The following MROH7 variants were observed in gnomAD, a reference collection of about 807,000 sequenced individuals.
MROH7 encodes the protein maestro heat-like repeat-containing protein family member 7.
In MROH7, 113 loss-of-function variants were observed where a neutral mutation model predicts 129.2. The ratio of observed to expected loss-of-function variants is 0.87; its 90% CI spans 0.75 to 1.02. MROH7 has a LOEUF of 1.02. Among genes scored for constraint, MROH7 ranks in the 50% least tolerant of loss-of-function variants. The pLI, the probability that MROH7 is intolerant of heterozygous loss-of-function variation, is 0.00. For synonymous variants in MROH7, 655 were observed against 667.9 expected (o/e 0.98, Z 0.30); for missense variants, 1,601 against 1,671.3 (o/e 0.96, Z 0.73).
chr1:54,686,202 A>G, intron 14 of MROH7, 56 bp from the exon 15 acceptor site: 2 of 1,469,896 alleles, frequency 1.4e-6, no homozygotes, highest in Non-Finnish European at 1.9e-6. Context: ...GGCCCCAGCC[A>G]GGAGTGCTGG....
At chr1:54,685,521 A>G (rs1381182009) in intron 14 of MROH7, among the ~76,000 whole-genome samples, 10 of 145,412 alleles carry the variant, frequency 6.9e-5, no homozygotes, top group South Asian at 2.2e-4. Flanking sequence ...CCAGCCCATC[A>G]CCCACTCCCC....
At chr1:54,658,262 G>T (rs1215192596) in intron 3 of MROH7, among the ~76,000 whole-genome samples, 1 of 152,078 alleles carries the variant, frequency 6.6e-6, no homozygotes. Flanking sequence ...AATGTTCTTA[G>T]CATTCTTGTC....
rs1255804494 is a variant in MROH7 at position 54,686,173 on chromosome 1, C to A, written c.2521-85C>A. The A allele has an allele frequency of 5.5e-6, 7 of 1,277,260 alleles. No homozygotes were observed. In the East Asian group the frequency reaches 1.2e-4, roughly 22 times the overall value. 79.1% of individuals were successfully genotyped at this position (1,277,260 alleles called of 1,614,324 possible). On this transcript the variant is annotated intron_variant, in intron 14 of 23. Transcript: ENST00000421030. ...AGGACAGCAAAGACCCAGATCCTAC[C>A]TCCCAGAGAGGCAGTCCAGGCCCCA...
intron 4 of MROH7, among the ~76,000 whole-genome samples, chr1:54,667,612 T>C (rs1163452080): frequency 6.6e-6 from 1 of 152,048 alleles, no homozygotes; most frequent in Admixed American, 6.6e-5. Context: ...CATGCCACCA[T>C]GCCCGGCTAA....
chr1:54,685,840 T>C (rs1392048992), intron 14 of MROH7, among the ~76,000 whole-genome samples: 2 of 152,128 alleles, frequency 1.3e-5, no homozygotes, highest in South Asian at 2.1e-4. Flanking sequence ...CAGCACGCTA[T>C]AGTTGGTATC....
chr1:54,661,793 G>A (rs551997692), intron 3 of MROH7, among the ~76,000 whole-genome samples: 4 of 151,822 alleles, frequency 2.6e-5, no homozygotes, highest in East Asian at 2.0e-4. Flanking sequence ...ACGGAGTTTC[G>A]CCACATTGGC....
intron 14 of MROH7, among the ~76,000 whole-genome samples, chr1:54,685,282 A>G (rs1645130148): frequency 1.3e-5 from 2 of 152,120 alleles, no homozygotes; most frequent in South Asian, 4.1e-4. Flanking sequence ...TGGCCTCCCA[A>G]AGTGCTGGGA....
chr1:54,673,724 T>TG lies in MROH7; in HGVS notation c.1722dup (p.Lys575GlufsTer4), dbSNP rs1438369785. ...AGGCCCTGGGGCCTTGGATGAACTC[T>TG]GGGAAGGCCCATGAGCGAGCACGGG... On this transcript the variant is annotated frameshift_variant, in exon 9 of 24. Transcript: ENST00000421030. LOFTEE classifies it high-confidence loss of function. The TG allele has an allele frequency of 3.1e-6, 5 of 1,614,028 alleles. No individual in the cohort carries two copies. In the African/African-American group the frequency reaches 4.0e-5, roughly 13 times the overall value.
chr1:54,679,978 C>T lies in MROH7; in HGVS notation c.2314C>T (p.Leu772Phe). The T allele has an allele frequency of 6.2e-7, 1 of 1,614,090 alleles. No homozygotes were observed. Among genetic ancestry groups the T allele is most frequent in the Non-Finnish European group, 8.5e-7 (1 of 1,179,992 alleles). ...CCAGGTGGCCCTGCTGCCCGTCTCC[C>T]TCCTGGCTAGCTCCTTCATGACCGA... ...ARQVALLPVS[L>F]LASSFMTEVV... The change falls in exon 13 of 24, where the codon CTC (leucine) becomes TTC (phenylalanine). Residue 772 changes from leucine (L) to phenylalanine (F), a missense_variant. Transcript: ENST00000421030.
At chr1:54,700,501 C>T (rs1032478193) in intron 18 of MROH7, 40 bp downstream of exon 18, 10 of 1,533,144 alleles carry the variant, frequency 6.5e-6, no homozygotes, top group South Asian at 1.3e-5. Context: ...CAGCCAGGCC[C>T]CAGACTGGAG....
intron 14 of MROH7, among the ~76,000 whole-genome samples, chr1:54,685,931 C>A (rs1418848614): frequency 2.0e-5 from 3 of 152,176 alleles, no homozygotes; most frequent in African/African-American, 7.2e-5. Context: ...TCTGAGTCCG[C>A]CTCCTCATCT....
intron 1 of MROH7, among the ~76,000 whole-genome samples, chr1:54,644,514 TG>T (rs1644433919): frequency 6.6e-6 from 1 of 152,042 alleles, no homozygotes; most frequent in Non-Finnish European, 1.5e-5. Context: ...GGATAATTTT[TG>T]TATTTTTAGT....
chr1:54,694,883 G>A (rs1645296207), intron 16 of MROH7, among the ~76,000 whole-genome samples: 1 of 152,230 alleles, frequency 6.6e-6, no homozygotes, highest in African/African-American at 2.4e-5. Context: ...TGAGCCCTCG[G>A]TTGGGGCTCC....
At chr1:54,645,542 A>G (rs1033170189) in intron 1 of MROH7, among the ~76,000 whole-genome samples, 24 of 152,126 alleles carry the variant, frequency 1.6e-4, no homozygotes, top group African/African-American at 5.8e-4. Flanking sequence ...TGGCTTCCCA[A>G]AGTGCTGGGA....
chr1:54,710,204 ACCCTCCT>A lies in MROH7; in HGVS notation c.*19_*25del, dbSNP rs1385484814. 5.7e-5 allele frequency: 92 copies of A among 1,606,498 alleles called. No homozygotes were observed. The highest frequency in any genetic ancestry group is 7.1e-5 in the Non-Finnish European group (84 of 1,178,226). On this transcript the variant is annotated 3_prime_UTR_variant, in exon 24 of 24. Coordinates refer to ENST00000421030, the MANE Select transcript of MROH7 (RefSeq NM_001039464.4). ...AAGAAGTGACGTCCCTGAGCCCCAA[ACCCTCCT>A]CAGGGTGGTTGAGTTCCAGCCATGC... is the stretch of plus-strand genomic sequence containing the variant.
chr1:54,664,805 A>G (rs1167239983), intron 3 of MROH7, among the ~76,000 whole-genome samples: 1 of 152,204 alleles, frequency 6.6e-6, no homozygotes, highest in Non-Finnish European at 1.5e-5. Flanking sequence ...TGGAGGCAGG[A>G]GTTCGAGACT....
chr1:54,693,353 G>A (rs974848946), intron 16 of MROH7, among the ~76,000 whole-genome samples: 6 of 152,132 alleles, frequency 3.9e-5, no homozygotes, highest in Non-Finnish European at 7.3e-5. Flanking sequence ...GGGAGGCTGA[G>A]GCATGAGAAT....
chr1:54,699,138 CTTTCTTTCTTTCTTTCTTTCT>C lies in MROH7; in HGVS notation c.2965-1159_2965-1139del, dbSNP rs1645378858. On this transcript the variant is annotated intron_variant, in intron 17 of 23. Coordinates refer to ENST00000421030, the MANE Select transcript of MROH7 (RefSeq NM_001039464.4). ...TCTTTCTTTCTTTCTTTCTTTCTTT[CTTTCTTTCTTTCTTTCTTTCT>C]TTTCTTTCTTTCTTTCTTTCTTTCT... 2.7e-4 allele frequency: 26 copies of C among 97,712 alleles called. 2 individuals carry two copies. The highest frequency in any genetic ancestry group is 4.1e-4 in the African/African-American group (10 of 24,586). The allele number at this position is 97,712 out of a possible 1,614,324, so 6.1% of individuals were successfully genotyped here.
At chr1:54,694,129 G>T (rs996382172) in intron 16 of MROH7, among the ~76,000 whole-genome samples, 1 of 152,166 alleles carries the variant, frequency 6.6e-6, no homozygotes, top group African/African-American at 2.4e-5. Flanking sequence ...TGATCTGCCC[G>T]CCTTGGCCTC....
Sources: gnomAD v4.1 joint callset for allele counts (sites outside exome capture counted in the v4.1 genomes callset) on GRCh38, gnomAD v4.1.1 for gene constraint, MANE v1.5 for transcripts, NCBI Gene and HGNC (gene_info 2026-07-23, HGNC 2026-07-21) for gene names.